FAT2: variants seen among roughly 807,000 people sequenced by gnomAD.
The protein encoded by FAT2 is protocadherin Fat 2.
Under a neutral mutation model 295.3 loss-of-function variants are expected in FAT2, and 150 were observed. That is an observed-to-expected ratio of 0.51 (90% CI 0.44 to 0.58). The LOEUF is 0.58. Ranked by LOEUF, FAT2 falls within the 20% of genes least tolerant of loss-of-function variation. FAT2 has a pLI of 0.00. For synonymous variants in FAT2, 2,026 were observed against 2,150.3 expected, an observed-to-expected ratio of 0.94 and a Z score of 1.60; for missense variants, 4,868 against 5,442.7, an observed-to-expected ratio of 0.89 and a Z score of 3.32.
rs571921623 is a variant in FAT2, at chr5:151,577,279, C to G, written c.-20-8328G>C. Reference sequence around the variant, plus strand: ...AAGGAAGAAAAGGGCTTCCAGTGGCCTGGGCTTTGGGGAAGAAAAGGAACA... The same window carrying G: ...AAGGAAGAAAAGGGCTTCCAGTGGCGTGGGCTTTGGGGAAGAAAAGGAACA... On this transcript the variant is annotated intron_variant, in intron 1 of 23. Transcript: ENST00000261800. Among the ~76,000 whole-genome samples the G allele has an allele frequency of 2.9e-4, 44 of 152,306 alleles. No individual in the cohort carries two copies. In the South Asian group the frequency reaches 8.9e-3, roughly 31 times the overall value.
chr5:151,506,468 GACTC>G (rs75976186), intron 23 of FAT2, among the ~76,000 whole-genome samples: 22,441 of 152,142 alleles, frequency 0.15, 1,987 homozygotes, highest in Non-Finnish European at 0.21. Flanking sequence ...ACACAGTTTG[GACTC>G]ACTCACAGGT....
rs755551257 is a variant in FAT2 at position 151,549,379 on chromosome 5, C to A, written c.4705G>T (p.Ala1569Ser). The A allele has an allele frequency of 6.2e-7, 1 of 1,614,074 alleles. No homozygotes were observed. Among genetic ancestry groups the A allele is most frequent in the Non-Finnish European group, 8.5e-7 (1 of 1,180,032 alleles). ...HYEASVPDTI[A>S]PGTELLQVRA... is the part of the protein sequence containing the mutation. ...ACCTGCAGCAGCTCTGTGCCGGGGGCTATGGTGTCAGGAACACTTGCCTCA... is the reference window on the plus strand; with the variant it reads ...ACCTGCAGCAGCTCTGTGCCGGGGGATATGGTGTCAGGAACACTTGCCTCA... Residue 1569 changes from alanine to serine, a missense_variant, in exon 9 of 24, where the codon GCC (alanine) becomes TCC (serine). Physicochemically the swap from Ala to Ser is moderately conservative, Grantham distance 99. Around this residue, in one of 5 missense-constraint regions of FAT2, gnomAD observed 3,297 missense variants for 3,669.4 expected, o/e 0.90. Transcript: ENST00000261800.
intron 14 of FAT2, among the ~76,000 whole-genome samples, chr5:151,530,368 C>T (rs1184085686): frequency 6.6e-6 from 1 of 152,128 alleles, no homozygotes; most frequent in African/African-American, 2.4e-5. Context: ...TGATCAAGGC[C>T]TTTGATCCAA....
rs1186350576 is a variant in FAT2 at position 151,521,380 on chromosome 5, T to C, written c.11213A>G (p.His3738Arg). ...QGPTCQGQICHNTVHLDPKVG... is the reference protein window; with the variant it reads ...QGPTCQGQICRNTVHLDPKVG... Reference sequence around the variant, plus strand: ...CTTGGGGTCCAGATGCACTGTGTTATGGCAGATTTGACCCTGGCAGGTTGG... The same window carrying C: ...CTTGGGGTCCAGATGCACTGTGTTACGGCAGATTTGACCCTGGCAGGTTGG... Residue 3738 changes from histidine to arginine, a missense_variant, in exon 19 of 24, where the codon CAT becomes CGT. By Grantham distance (29) the His-to-Arg change is conservative (BLOSUM62 0). Transcript: ENST00000261800. The C allele has an allele frequency of 1.3e-5, 21 of 1,614,120 alleles. No homozygotes were observed. In the Admixed American group the frequency reaches 2.3e-4, roughly 18 times the overall value.
chr5:151,569,909 C>T (rs1489561950), intron 1 of FAT2, among the ~76,000 whole-genome samples: 1 of 152,266 alleles, frequency 6.6e-6, no homozygotes, highest in Non-Finnish European at 1.5e-5. Flanking sequence ...GCTGTCAGCC[C>T]TGCCTCTGTC....
rs1756468119 is a variant in FAT2 at position 151,544,825 on chromosome 5, G to A, written c.6302C>T (p.Thr2101Ile). The change falls in exon 10 of 24, where the codon ACA (threonine) becomes ATA (isoleucine). Residue 2101 changes from threonine to isoleucine, a missense_variant. This residue lies in a region of FAT2 where 3,297 missense variants were observed against 3,669.4 expected (regional missense o/e 0.90). Coordinates refer to ENST00000261800, the MANE Select transcript of FAT2 (RefSeq NM_001447.3). ...QVSATDEDLG[T>I]NGAVTYEFAE... ...AAATTCATATGTAACAGCCCCATTTGTCCCCAAGTCCTCATCAGTGGCAGA... is the reference window on the plus strand; with the variant it reads ...AAATTCATATGTAACAGCCCCATTTATCCCCAAGTCCTCATCAGTGGCAGA... The A allele has an allele frequency of 3.7e-6, 6 of 1,614,184 alleles. No individual in the cohort carries two copies. Among genetic ancestry groups the A allele is most frequent in the African/African-American group, 1.3e-5 (1 of 75,034 alleles).
chr5:151,573,323 T>C (rs10072841), intron 1 of FAT2, among the ~76,000 whole-genome samples: 68,175 of 152,132 alleles, frequency 0.45, 15,480 homozygotes, highest in Non-Finnish European at 0.49. Context: ...AACTGTTTAG[T>C]ACCTGGCTTA....
In FAT2 at chr5:151,505,719, C is replaced by T. The variant is rs2127562268; in HGVS notation, c.12896G>A (p.Gly4299Asp). 6.2e-7 allele frequency: 1 copy of T among 1,613,876 alleles called. No individual in the cohort carries two copies. Among genetic ancestry groups the T allele is most frequent in the Non-Finnish European group, 8.5e-7 (1 of 1,179,786 alleles). The change falls in exon 24 of 24, where the codon GGT (glycine) becomes GAT (aspartate). Residue 4299 changes from glycine to aspartate, a missense_variant. Physicochemically the swap from Gly to Asp is moderately conservative, Grantham distance 94 (BLOSUM62 -1). Transcript: ENST00000261800. ...GGGCCCAGCTCGGCTGAGGCGCATA[C>T]CCACCCCCTTGTAGCCCCCGTCTGC... ...CLADGGYKGV[G>D]MRLSRAGPSY...
At chr5:151,539,933 G>A (rs1379833424) in intron 11 of FAT2, among the ~76,000 whole-genome samples, 1 of 152,174 alleles carries the variant, frequency 6.6e-6, no homozygotes, top group African/African-American at 2.4e-5. Flanking sequence ...GTGAAGAAGG[G>A]CATCTCAGTG....
At chr5:151,592,412 C>T (rs559227062), upstream of FAT2, among the ~76,000 whole-genome samples, 1 of 152,230 alleles carries the variant, frequency 6.6e-6, no homozygotes, top group Admixed American at 6.5e-5. Context: ...AACTCTGCAA[C>T]CATTCTGTCC....
At chr5:151,565,647 A>AGGGGG in intron 2 of FAT2, 26 bp downstream of exon 2, 1 of 1,461,026 alleles carries the variant, frequency 6.8e-7, no homozygotes, top group Non-Finnish European at 9.3e-7. Context: ...TGGCCCTGGC[A>AGGGGG]CCCCACCCTA....
chr5:151,534,801 C>G (rs1287975272), intron 12 of FAT2, among the ~76,000 whole-genome samples, 159 bp from the exon 13 acceptor site: 2 of 151,674 alleles, frequency 1.3e-5, no homozygotes, highest in African/African-American at 4.8e-5. Flanking sequence ...CCTGTATCCC[C>G]CCATACCCAT....
intron 18 of FAT2, among the ~76,000 whole-genome samples, chr5:151,523,900 G>C (rs66479382): frequency 0.26 from 39,939 of 151,964 alleles, 5,528 homozygotes; most frequent in African/African-American, 0.33. Context: ...CACTACCACC[G>C]AAGTCTTCAT....
chr5:151,504,703 A>ATTAG lies in FAT2; in HGVS notation c.*858_*861dup. ...TGCCTAAGAATTTTTAAAATGAAGA[A>ATTAG]TTAGTTCCTTCCTTCCTTTGGCCAA... On this transcript the variant is annotated 3_prime_UTR_variant, in exon 24 of 24. Coordinates refer to ENST00000261800, the MANE Select transcript of FAT2 (RefSeq NM_001447.3). 6.5e-6 allele frequency: 1 copy of ATTAG among 152,780 alleles called. No individual in the cohort carries two copies. Among genetic ancestry groups the ATTAG allele is most frequent in the Admixed American group, 6.5e-5 (1 of 15,310 alleles). 9.5% of individuals were successfully genotyped at this position (152,780 alleles called of 1,614,324 possible).
intron 18 of FAT2, among the ~76,000 whole-genome samples, chr5:151,522,833 G>T (rs1753616836): frequency 6.6e-6 from 1 of 152,172 alleles, no homozygotes; most frequent in South Asian, 2.1e-4. Context: ...GAGCAAGTGG[G>T]CAGGGAAGCA....
At chr5:151,570,854 A>G (rs76551865) in intron 1 of FAT2, among the ~76,000 whole-genome samples, 8,350 of 152,260 alleles carry the variant, frequency 0.055, 270 homozygotes, top group East Asian at 0.094. Flanking sequence ...TCCTGTGTGA[A>G]CTGGGCACAG....
rs1231445845 is a variant in FAT2, at chr5:151,550,705, C to A, written c.4463G>T (p.Ser1488Ile). The A allele has an allele frequency of 1.9e-6, 3 of 1,614,188 alleles. No homozygotes were observed. The highest frequency in any genetic ancestry group is 4.5e-5 in the East Asian group (2 of 44,876). Reference sequence around the variant, plus strand: ...GAGGCTGGCACTTCCTGGGTCTTGGCTGCCATGTATGGTATAGATGAGGCT... The same window carrying A: ...GAGGCTGGCACTTCCTGGGTCTTGGATGCCATGTATGGTATAGATGAGGCT... ...GKSLIYTIHGSQDPGSASLFQ... is the reference protein window; with the variant it reads ...GKSLIYTIHGIQDPGSASLFQ... Residue 1488 changes from serine (S) to isoleucine (I), a missense_variant, in exon 8 of 24, where the codon AGC (serine) becomes ATC (isoleucine). Ser to Ile is a moderately radical substitution (Grantham distance 142, BLOSUM62 -2). Transcript: ENST00000261800.
intron 2 of FAT2, 26 bp downstream of exon 2, chr5:151,565,647 A>ACGCCCCCCC: frequency 7.5e-6 from 11 of 1,461,024 alleles, no homozygotes; most frequent in East Asian, 2.4e-5. Context: ...TGGCCCTGGC[A>ACGCCCCCCC]CCCCACCCTA....
At chr5:151,581,209 C>T (rs559454905) in intron 1 of FAT2, among the ~76,000 whole-genome samples, 27 of 152,214 alleles carry the variant, frequency 1.8e-4, no homozygotes, top group African/African-American at 4.8e-4. Context: ...CAGACATAAA[C>T]GAGGAAACAT....
Sources: gnomAD v4.1 joint callset for allele counts (sites outside exome capture counted in the v4.1 genomes callset) on GRCh38, gnomAD v4.1.1 for gene constraint, gnomAD v4.1.1 regional missense constraint, MANE v1.5 for transcripts, NCBI Gene and HGNC (gene_info 2026-07-23, HGNC 2026-07-21) for gene names.